PAWR: variants seen among roughly 807,000 people sequenced by gnomAD.
The protein encoded by PAWR is pro-apoptotic WT1 regulator, also known as PRKC apoptosis WT1 regulator protein.
Under a neutral mutation model 32.0 loss-of-function variants are expected in PAWR, and 23 were observed. The ratio of observed to expected loss-of-function variants is 0.72; its 90% CI spans 0.52 to 1.02. The LOEUF (loss-of-function observed/expected upper bound fraction) is 1.02. PAWR is among the 50% of genes least tolerant of loss of function. The pLI, the probability that PAWR is intolerant of heterozygous loss-of-function variation, is 0.00. For missense variants in PAWR, 457 were observed against 437.7 expected, an observed-to-expected ratio of 1.04 and a Z score of -0.39; for synonymous variants, 226 against 187.1, an observed-to-expected ratio of 1.21 and a Z score of -1.70.
intron 6 of PAWR, among the ~76,000 whole-genome samples, chr12:79,593,038 CA>C (rs796577449): frequency 3.3e-4 from 46 of 141,034 alleles, no homozygotes; most frequent in African/African-American, 8.0e-4. Flanking sequence ...AAAACTGAGG[CA>C]AAAAAAAAAA....
chr12:79,621,238 TCTA>T (rs1308332435), intron 2 of PAWR, 31 bp from the exon 3 acceptor site: 2 of 1,529,606 alleles, frequency 1.3e-6, no homozygotes, highest in Non-Finnish European at 1.8e-6. Flanking sequence ...CCATTTTATT[TCTA>T]CTATTAATAG....
intron 2 of PAWR, among the ~76,000 whole-genome samples, chr12:79,688,948 T>A (rs1047546382): frequency 6.6e-6 from 1 of 152,174 alleles, no homozygotes; most frequent in Non-Finnish European, 1.5e-5. Context: ...AGTAAAAATG[T>A]TTTACCAGTC....
At chr12:79,627,485 T>C (rs1331903833) in intron 2 of PAWR, among the ~76,000 whole-genome samples, 1 of 152,230 alleles carries the variant, frequency 6.6e-6, no homozygotes, top group Admixed American at 6.5e-5. Context: ...AGGTTCTGGA[T>C]ATTAGCCCTT....
intron 4 of PAWR, among the ~76,000 whole-genome samples, chr12:79,609,465 C>A (rs538527482): frequency 6.6e-6 from 1 of 152,200 alleles, no homozygotes; most frequent in African/African-American, 2.4e-5. Flanking sequence ...TGAGAACATG[C>A]ATCCCTGTTT....
intron 2 of PAWR, among the ~76,000 whole-genome samples, chr12:79,681,603 T>C (rs951540215): frequency 2.0e-5 from 3 of 152,144 alleles, no homozygotes; most frequent in Non-Finnish European, 2.9e-5. Flanking sequence ...AAAATAAGAA[T>C]AGAAACACAA....
chr12:79,661,242 C>CT (rs1442709222), intron 2 of PAWR, among the ~76,000 whole-genome samples: 1 of 124,932 alleles, frequency 8.0e-6, no homozygotes, highest in Non-Finnish European at 1.6e-5. Flanking sequence ...AAGCGAGACT[C>CT]TGTCTCAAAA....
intron 2 of PAWR, among the ~76,000 whole-genome samples, chr12:79,659,529 C>G (rs565235906): frequency 1.0e-3 from 156 of 152,180 alleles, no homozygotes; most frequent in Non-Finnish European, 1.9e-3. Flanking sequence ...AGAGAAAGCC[C>G]ATTAGCATAC....
chr12:79,643,090 A>G (rs921923393), intron 2 of PAWR, among the ~76,000 whole-genome samples: 2 of 152,088 alleles, frequency 1.3e-5, no homozygotes, highest in African/African-American at 4.8e-5. Flanking sequence ...CTTTCAGGCA[A>G]TTTTTGCACC....
chr12:79,673,886 G>A (rs1878032912), intron 2 of PAWR, among the ~76,000 whole-genome samples: 1 of 152,090 alleles, frequency 6.6e-6, no homozygotes, highest in Non-Finnish European at 1.5e-5. Context: ...ACAAAACACT[G>A]CTGAAAGAAA....
chr12:79,632,340 TATATATATATATATATATA>T (rs1875721255), intron 2 of PAWR, among the ~76,000 whole-genome samples: 1 of 61,734 alleles, frequency 1.6e-5, no homozygotes, highest in African/African-American at 2.0e-4. Context: ...TATATATATA[TATATATATATATATATATA>T]TATTTTTTTT....
chr12:79,594,700 C>CGTGTGTGTGT (rs34121968), intron 5 of PAWR, among the ~76,000 whole-genome samples: 72 of 148,580 alleles, frequency 4.8e-4, no homozygotes, highest in African/African-American at 1.8e-3. Flanking sequence ...GATTTAACCT[C>CGTGTGTGTGT]GTGTGTGTGT....
intron 5 of PAWR, among the ~76,000 whole-genome samples, chr12:79,596,117 T>C (rs1485163138): frequency 1.3e-5 from 2 of 152,240 alleles, no homozygotes; most frequent in Non-Finnish European, 2.9e-5. Flanking sequence ...TGAATGTCTA[T>C]GGCACAAACC....
intron 2 of PAWR, among the ~76,000 whole-genome samples, chr12:79,648,784 C>G (rs1322266062): frequency 4.1e-5 from 6 of 145,032 alleles, no homozygotes; most frequent in Middle Eastern, 3.5e-3. Flanking sequence ...ATGGCTCTAA[C>G]AGGGGCTAGA....
At chr12:79,651,440 C>A (rs1592531419) in intron 2 of PAWR, among the ~76,000 whole-genome samples, 1 of 152,326 alleles carries the variant, frequency 6.6e-6, no homozygotes, top group East Asian at 1.9e-4. Flanking sequence ...CCTGAATCCT[C>A]AATACCAGAT....
At chr12:79,625,856 A>C (rs1305635360) in intron 2 of PAWR, among the ~76,000 whole-genome samples, 1 of 150,636 alleles carries the variant, frequency 6.6e-6, no homozygotes, top group East Asian at 2.0e-4. Flanking sequence ...GACGGGTGGA[A>C]GCAGATTATA....
Position 79,689,846 on chromosome 12 carries a change from G to A in PAWR, c.399C>T (p.Val133=), listed in dbSNP as rs762924262. ...GGCCCGAGCTCTTGCCCTTCTCTGG[G>A]ACGCCGTCCGGCTCCTCCTCGTCAC... is the stretch of plus-strand genomic sequence containing the variant. ...PQRDEEEPDG[V]PEKGKSSGPS... is the part of the protein sequence containing the mutation. Residue 133 remains valine (V), a synonymous_variant, in exon 2 of 7, where the codon GTC becomes GTT. Transcript: ENST00000328827. 24 of 1,585,816 alleles carry A rather than the reference G, an allele frequency of 1.5e-5. No homozygotes were observed. In the Admixed American group the frequency reaches 3.8e-4, roughly 25 times the overall value.
At chr12:79,658,831 T>C (rs1323382129) in intron 2 of PAWR, among the ~76,000 whole-genome samples, 1 of 151,960 alleles carries the variant, frequency 6.6e-6, no homozygotes, top group Non-Finnish European at 1.5e-5. Flanking sequence ...CAGCTAATTT[T>C]TGTATTTTTA....
intron 2 of PAWR, among the ~76,000 whole-genome samples, chr12:79,681,102 C>G (rs1878419338): frequency 8.9e-6 from 1 of 111,832 alleles, no homozygotes; most frequent in South Asian, 3.2e-4. Context: ...TGACAGAGAT[C>G]CTGTCTCAGA....
chr12:79,611,087 T>G (rs74586151), intron 4 of PAWR, among the ~76,000 whole-genome samples: 3,752 of 148,850 alleles, frequency 0.025, 182 homozygotes, highest in African/African-American at 0.086. Context: ...AAATGAATCT[T>G]CTGGGTGTTT....
Sources: gnomAD v4.1 joint callset for allele counts (sites outside exome capture counted in the v4.1 genomes callset) on GRCh38, gnomAD v4.1.1 for gene constraint, MANE v1.5 for transcripts, NCBI Gene and HGNC (gene_info 2026-07-23, HGNC 2026-07-21) for gene names.